LRRC70: variants seen among roughly 807,000 people sequenced by gnomAD.
LRRC70 encodes the protein leucine-rich repeat-containing protein 70.
A neutral mutation model predicts 42.4 loss-of-function variants in LRRC70; 31 were observed. The observed-to-expected ratio is 0.73, with a 90% CI of 0.55 to 0.99. The LOEUF is 0.99. Ranked by LOEUF, LRRC70 falls within the 50% of genes least tolerant of loss-of-function variation. The probability of loss-of-function intolerance (pLI) is 0.00; values close to 1 mark genes in which losing one functional copy is unlikely to be tolerated. For missense variants in LRRC70, 643 were observed against 707.5 expected, an observed-to-expected ratio of 0.91 and a Z score of 1.03; for synonymous variants, 270 against 262.9, an observed-to-expected ratio of 1.03 and a Z score of -0.26.
Position 62,579,681 on chromosome 5 carries a change from AG to A in LRRC70, c.245del (p.Gly82AspfsTer6). 1 of 1,547,106 alleles carries A rather than the reference AG, an allele frequency of 6.5e-7. No individual in the cohort carries two copies. On this transcript the variant is annotated frameshift_variant, in exon 2 of 2. Transcript: ENST00000334994. LOFTEE classifies it high-confidence loss of function. The stretch of plus-strand genomic sequence containing the variant: ...CTTATATAAATGAAAGTGAATTAAC[AG>A]GACTTCATTCTCTTGTAGCATTGTA... ...ISYINESELTGLHSLVALYLD... is the reference protein window; with the variant it reads ...ISYINESELTXLHSLVALYLD...
In LRRC70 at chr5:62,580,040, A is replaced by G. The variant is rs1744487308; in HGVS notation, c.602A>G (p.Gln201Arg). Residue 201 changes from glutamine to arginine, a missense_variant, in exon 2 of 2, where the codon CAA becomes CGA. By Grantham distance (43) the Gln-to-Arg change is conservative. Coordinates refer to ENST00000334994, the MANE Select transcript of LRRC70 (RefSeq NM_181506.5). ...NILRISESGF[Q>R]HLENLACLYL... The stretch of plus-strand genomic sequence containing the variant: ...TTGAGGATATCAGAATCAGGCTTTC[A>G]ACATCTTGAAAACCTTGCTTGTTTG... The G allele has an allele frequency of 6.4e-7, 1 of 1,551,244 alleles. No individual in the cohort carries two copies. Among genetic ancestry groups the G allele is most frequent in the Non-Finnish European group, 8.7e-7 (1 of 1,146,740 alleles).
intron 1 of LRRC70, 116 bp downstream of exon 1, chr5:62,579,051 T>A (rs952121111): frequency 1.7e-5 from 4 of 240,604 alleles, no homozygotes; most frequent in Non-Finnish European, 3.3e-5. Flanking sequence ...TAAATTATAA[T>A]GTTATTTGAT....
Position 62,580,777 on chromosome 5 carries a change from A to G in LRRC70, c.1339A>G (p.Thr447Ala), listed in dbSNP as rs1347084749. The G allele has an allele frequency of 6.4e-7, 1 of 1,551,452 alleles. No individual in the cohort carries two copies. Among genetic ancestry groups the G allele is most frequent in the Non-Finnish European group, 8.7e-7 (1 of 1,146,858 alleles). ...CACAAATGGCAGTCCTCTGGAAAAT[A>G]CTGAGACTGAGAACATTACTTTCTG... ...VTTNGSPLEN[T>A]ETENITFWER... The change falls in exon 2 of 2, where the codon ACT (threonine) becomes GCT (alanine). Residue 447 changes from threonine (T) to alanine (A), a missense_variant. Physicochemically the swap from Thr to Ala is moderately conservative, Grantham distance 58. Coordinates refer to ENST00000334994, the MANE Select transcript of LRRC70 (RefSeq NM_181506.5).
chr5:62,580,593 T>C lies in LRRC70; in HGVS notation c.1155T>C (p.Cys385=), dbSNP rs1261609388. 1.3e-6 allele frequency: 2 copies of C among 1,551,468 alleles called. No homozygotes were observed. Among genetic ancestry groups the C allele is most frequent in the East Asian group, 4.9e-5 (2 of 40,908 alleles). ...ASSAITLNIY[C]QNPPSMRGRA... is the part of the protein sequence containing the mutation. ...CAGCCATTACTCTAAACATCTATTGTCAGAATCCCCCATCCATGCGTGGCA... is the reference window on the plus strand; with the variant it reads ...CAGCCATTACTCTAAACATCTATTGCCAGAATCCCCCATCCATGCGTGGCA... Residue 385 remains cysteine (C), a synonymous_variant, in exon 2 of 2, where the codon TGT becomes TGC. Transcript: ENST00000334994.
Position 62,580,139 on chromosome 5 carries a change from C to A in LRRC70, c.701C>A (p.Ser234Tyr). Residue 234 changes from serine to tyrosine, a missense_variant, in exon 2 of 2, where the codon TCT (serine) becomes TAT (tyrosine). By Grantham distance (144) the Ser-to-Tyr change is moderately radical. Coordinates refer to ENST00000334994, the MANE Select transcript of LRRC70 (RefSeq NM_181506.5). ...FEVLKSLRRL[S>Y]LSHNPIEAIQ... ...GTACTTAAAAGTCTTAGAAGACTTT[C>A]TTTGTCTCATAATCCTATTGAAGCA... 4 of 1,550,590 alleles carry A rather than the reference C, an allele frequency of 2.6e-6. No individual in the cohort carries two copies. The highest frequency in any genetic ancestry group is 2.6e-6 in the Non-Finnish European group (3 of 1,146,102).
Position 62,580,741 on chromosome 5 carries a change from C to G in LRRC70, c.1303C>G (p.His435Asp). The change falls in exon 2 of 2, where the codon CAT becomes GAT. Residue 435 changes from histidine (H) to aspartate (D), a missense_variant. By Grantham distance (81) the His-to-Asp change is moderately conservative. Coordinates refer to ENST00000334994, the MANE Select transcript of LRRC70 (RefSeq NM_181506.5). ...HKTTALMMAW[H>D]KVTTNGSPLE... ...GACTACTGCGCTAATGATGGCCTGG[C>G]ATAAAGTAACCACAAATGGCAGTCC... 6.4e-7 allele frequency: 1 copy of G among 1,551,418 alleles called. No homozygotes were observed. Among genetic ancestry groups the G allele is most frequent in the South Asian group, 1.2e-5 (1 of 84,058 alleles).
chr5:62,579,263 TGC>T, intron 1 of LRRC70, 136 bp from the exon 2 acceptor site: 2 of 631,634 alleles, frequency 3.2e-6, no homozygotes, highest in Admixed American at 2.9e-5. Context: ...CATTATTTTT[TGC>T]TATTACCATG....
rs1212120894 is a variant in LRRC70, at chr5:62,579,675, A to G, written c.237A>G (p.Glu79=). 3 of 1,547,002 alleles carry G rather than the reference A, an allele frequency of 1.9e-6. No individual in the cohort carries two copies. In the African/African-American group the frequency reaches 4.1e-5, roughly 21 times the overall value. ...ATATATCTTATATAAATGAAAGTGA[A>G]TTAACAGGACTTCATTCTCTTGTAG... ...GNNISYINES[E]LTGLHSLVAL... The change falls in exon 2 of 2, where the codon GAA becomes GAG. Residue 79 remains glutamate (E), a synonymous_variant. Transcript: ENST00000334994.
Position 62,580,931 on chromosome 5 carries a change from AAAAC to A in LRRC70, c.1495_1498del (p.Asn499ValfsTer16). On this transcript the variant is annotated frameshift_variant, in exon 2 of 2. Coordinates refer to ENST00000334994, the MANE Select transcript of LRRC70 (RefSeq NM_181506.5). LOFTEE classifies it high-confidence loss of function. The stretch of plus-strand genomic sequence containing the variant: ...ACTTCTGTTACCTTGAACTTGGAAA[AAAAC>A]AGTGCTCTACCGAATGATGCTGCTT... 2 of 1,551,386 alleles carry A rather than the reference AAAAC, an allele frequency of 1.3e-6. No homozygotes were observed. The highest frequency in any genetic ancestry group is 2.4e-5 in the South Asian group (2 of 84,048).
rs1360979679 is a variant in LRRC70 at position 62,580,857 on chromosome 5, T to C, written c.1419T>C (p.Gly473=). The change falls in exon 2 of 2, where the codon GGT becomes GGC. Residue 473 remains glycine (G), a synonymous_variant. Coordinates refer to ENST00000334994, the MANE Select transcript of LRRC70 (RefSeq NM_181506.5). ...AGRFFQENAF[G]NPLETTAVLP... is the part of the protein sequence containing the mutation. ...GATTTTTTCAAGAGAATGCCTTTGG[T>C]AATCCATTAGAGACTACAGCAGTGT... is the stretch of plus-strand genomic sequence containing the variant. The C allele has an allele frequency of 6.4e-7, 1 of 1,551,404 alleles. No homozygotes were observed. Among genetic ancestry groups the C allele is most frequent in the Non-Finnish European group, 8.7e-7 (1 of 1,146,862 alleles).
rs1744499347 is a variant in LRRC70 at position 62,580,265 on chromosome 5, A to G, written c.827A>G (p.Asn276Ser). Reference sequence around the variant, plus strand: ...ACTAGGGATGGGTTTAGTGGAATTAATAATCTTAAACATTTGATCTTAAGT... The same window carrying G: ...ACTAGGGATGGGTTTAGTGGAATTAGTAATCTTAAACATTTGATCTTAAGT... The part of the protein sequence containing the change: ...NVTRDGFSGI[N>S]NLKHLILSHN... The change falls in exon 2 of 2, where the codon AAT (asparagine) becomes AGT (serine). Residue 276 changes from asparagine (N) to serine (S), a missense_variant. Physicochemically the swap from Asn to Ser is conservative, Grantham distance 46. Transcript: ENST00000334994. 2 of 1,542,994 alleles carry G rather than the reference A, an allele frequency of 1.3e-6. No individual in the cohort carries two copies. Among genetic ancestry groups the G allele is most frequent in the South Asian group, 2.4e-5 (2 of 83,884 alleles).
Position 62,580,147 on chromosome 5 carries a change from CATA to C in LRRC70, c.712_714del (p.Asn238del). On this transcript the variant is annotated inframe_deletion, in exon 2 of 2. Transcript: ENST00000334994. ...AAGTCTTAGAAGACTTTCTTTGTCT[CATA>C]ATCCTATTGAAGCAATACAGCCCTT... is the stretch of plus-strand genomic sequence containing the variant. 6.4e-7 allele frequency: 1 copy of C among 1,551,074 alleles called. No homozygotes were observed.
chr5:62,579,860 A>T lies in LRRC70; in HGVS notation c.422A>T (p.Tyr141Phe). 6.5e-7 allele frequency: 1 copy of T among 1,549,454 alleles called. No homozygotes were observed. The highest frequency in any genetic ancestry group is 8.7e-7 in the Non-Finnish European group (1 of 1,145,130). The change falls in exon 2 of 2, where the codon TAT becomes TTT. Residue 141 changes from tyrosine to phenylalanine, a missense_variant. By Grantham distance (22) the Tyr-to-Phe change is conservative. Coordinates refer to ENST00000334994, the MANE Select transcript of LRRC70 (RefSeq NM_181506.5). The stretch of plus-strand genomic sequence containing the variant: ...AATCTTCGTAATTTATATTTACAGT[A>T]TAATCAGGTATCTTTTGTTCCGAGA... ...LLNLRNLYLQ[Y>F]NQVSFVPRGV...
Position 62,579,570 on chromosome 5 carries a change from T to A in LRRC70, c.132T>A (p.Ile44=), listed in dbSNP as rs1744461136. 1 of 1,551,084 alleles carries A rather than the reference T, an allele frequency of 6.4e-7. No individual in the cohort carries two copies. Among genetic ancestry groups the A allele is most frequent in the Admixed American group, 2.0e-5 (1 of 50,946 alleles). The change falls in exon 2 of 2, where the codon ATT becomes ATA. Residue 44 remains isoleucine (I), a synonymous_variant. Coordinates refer to ENST00000334994, the MANE Select transcript of LRRC70 (RefSeq NM_181506.5). ...SVCQLCTGRQ[I]NCRNLGLSSI... is the part of the protein sequence containing the mutation. ...GTCAGCTCTGCACTGGGAGACAAATTAACTGCCGTAACTTAGGCCTTTCGA... is the reference window on the plus strand; with the variant it reads ...GTCAGCTCTGCACTGGGAGACAAATAAACTGCCGTAACTTAGGCCTTTCGA...
At position 62,580,816 on chromosome 5, in the gene LRRC70, A is replaced by G. The variant is rs368857118; in HGVS notation, c.1378A>G (p.Thr460Ala). ...CATTACTTTCTGGGAACGAATTCCTACTTCACCTGCTGGTAGATTTTTTCA... is the reference window on the plus strand; with the variant it reads ...CATTACTTTCTGGGAACGAATTCCTGCTTCACCTGCTGGTAGATTTTTTCA... ...ENITFWERIP[T>A]SPAGRFFQEN... The change falls in exon 2 of 2, where the codon ACT (threonine) becomes GCT (alanine). Residue 460 changes from threonine (T) to alanine (A), a missense_variant. By Grantham distance (58) the Thr-to-Ala change is moderately conservative. Coordinates refer to ENST00000334994, the MANE Select transcript of LRRC70 (RefSeq NM_181506.5). 20 of 1,551,320 alleles carry G rather than the reference A, an allele frequency of 1.3e-5. No homozygotes were observed. The highest frequency in any genetic ancestry group is 5.9e-5 in the Admixed American group (3 of 50,952).
In LRRC70 at chr5:62,579,617, A is replaced by G; in HGVS notation, c.179A>G (p.Glu60Gly). 1.9e-6 allele frequency: 3 copies of G among 1,550,934 alleles called. No individual in the cohort carries two copies. The highest frequency in any genetic ancestry group is 2.6e-6 in the Non-Finnish European group (3 of 1,146,544). Residue 60 changes from glutamate to glycine, a missense_variant, in exon 2 of 2, where the codon GAA (glutamate) becomes GGA (glycine). By Grantham distance (98) the Glu-to-Gly change is moderately conservative. Coordinates refer to ENST00000334994, the MANE Select transcript of LRRC70 (RefSeq NM_181506.5). ...TCGAGTATTCCTAAGAATTTTCCTG[A>G]AAGTACAGTTTTTCTGTATCTGACT... ...GLSSIPKNFP[E>G]STVFLYLTGN...
At position 62,580,725 on chromosome 5, in the gene LRRC70, G is replaced by A. The variant is rs186193113; in HGVS notation, c.1287G>A (p.Ala429=). 26 of 1,551,344 alleles carry A rather than the reference G, an allele frequency of 1.7e-5. No homozygotes were observed. The highest frequency in any genetic ancestry group is 1.2e-4 in the Admixed American group (6 of 50,982). ...KSPHIHHKTT[A]LMMAWHKVTT... is the part of the protein sequence containing the mutation. ...CTCATATTCATCACAAGACTACTGC[G>A]CTAATGATGGCCTGGCATAAAGTAA... Residue 429 remains alanine, a synonymous_variant, in exon 2 of 2, where the codon GCG becomes GCA. Coordinates refer to ENST00000334994, the MANE Select transcript of LRRC70 (RefSeq NM_181506.5).
Position 62,581,356 on chromosome 5 carries a change from T to C in LRRC70, c.*49T>C, listed in dbSNP as rs1744553691. 7.4e-7 allele frequency: 1 copy of C among 1,350,504 alleles called. No individual in the cohort carries two copies. Among genetic ancestry groups the C allele is most frequent in the African/African-American group, 1.5e-5 (1 of 67,042 alleles). 83.7% of individuals were successfully genotyped at this position (1,350,504 alleles called of 1,614,324 possible). The stretch of plus-strand genomic sequence containing the variant: ...AAACTTCAGTGCCATGGACATGATT[T>C]AAACTGAAACCTCCTTATATAATTA... On this transcript the variant is annotated 3_prime_UTR_variant, in exon 2 of 2. Coordinates refer to ENST00000334994, the MANE Select transcript of LRRC70 (RefSeq NM_181506.5).
At position 62,579,391 on chromosome 5, in the gene LRRC70, CT is replaced by C. The variant is rs781224873; in HGVS notation, c.-38-5del. 922 of 1,527,572 alleles carry C rather than the reference CT, an allele frequency of 6.0e-4. No homozygotes were observed. Among genetic ancestry groups the C allele is most frequent in the Admixed American group, 7.7e-4 (39 of 50,858 alleles). 94.6% of individuals were successfully genotyped at this position (1,527,572 alleles called of 1,614,324 possible). ...TTCGTGATTTAAAGCTTTACCTTCT[CT>C]TTTTATAGCCAATTCTGATCTGAAC... On this transcript the variant is annotated splice_polypyrimidine_tract_variant and intron_variant, in intron 1 of 1. Transcript: ENST00000334994.
Sources: gnomAD v4.1 joint callset for allele counts on GRCh38, gnomAD v4.1.1 for gene constraint, MANE v1.5 for transcripts, NCBI Gene and HGNC (gene_info 2026-07-23, HGNC 2026-07-21) for gene names.